Variants in NRF1 observed in about 807,000 individuals in gnomAD.
NRF1 encodes the protein alpha palindromic-binding protein.
NRF1 carries 5 observed loss-of-function variants against 58.5 expected under a neutral mutation model. That is an observed-to-expected ratio of 0.09 (90% confidence interval 0.04 to 0.18). The LOEUF (loss-of-function observed/expected upper bound fraction) is 0.18. Ranked by LOEUF, NRF1 falls within the 10% of genes least tolerant of loss-of-function variation. The probability of loss-of-function intolerance (pLI) is 1.00; values close to 1 mark genes in which losing one functional copy is unlikely to be tolerated. For missense variants in NRF1, 288 were observed against 657.7 expected, an observed-to-expected ratio of 0.44 and a Z score of 6.15; for synonymous variants, 224 against 246.7, an observed-to-expected ratio of 0.91 and a Z score of 0.86.
intron 7 of NRF1, 132 bp downstream of exon 7, chr7:129,710,703 C>T (rs994071164): frequency 1.6e-6 from 1 of 631,554 alleles, no homozygotes; most frequent in African/African-American, 1.8e-5. Context: ...GATCTTCCTA[C>T]CTGAAATTGA....
At chr7:129,630,110 C>T (rs1439925779) in intron 1 of NRF1, 1 of 152,170 alleles carries the variant, frequency 6.6e-6, no homozygotes, top group Non-Finnish European at 1.5e-5. Context: ...AGAAAAGGTG[C>T]TCAAAGGATA....
chr7:129,651,034 A>T (rs1396812693), intron 1 of NRF1, among the ~76,000 whole-genome samples: 1 of 152,176 alleles, frequency 6.6e-6, no homozygotes, highest in Non-Finnish European at 1.5e-5. Context: ...GATTTTATGG[A>T]AACATTGTAA....
At chr7:129,719,130 T>G (rs949460750) in intron 9 of NRF1, among the ~76,000 whole-genome samples, 5 of 151,476 alleles carry the variant, frequency 3.3e-5, no homozygotes, top group Non-Finnish European at 7.4e-5. Context: ...GGAGGTAAAG[T>G]GATTCTTTTT....
intron 3 of NRF1, among the ~76,000 whole-genome samples, chr7:129,675,915 T>G (rs546154774): frequency 6.6e-6 from 1 of 152,344 alleles, no homozygotes; most frequent in East Asian, 1.9e-4. Flanking sequence ...AAGTCCTAGA[T>G]TGTATCTTCT....
chr7:129,624,713 C>G (rs969053338), intron 1 of NRF1, among the ~76,000 whole-genome samples: 2 of 152,088 alleles, frequency 1.3e-5, no homozygotes, highest in African/African-American at 4.8e-5. Context: ...GACAACGTCT[C>G]TGTGTTGCCC....
chr7:129,753,423 T>G (rs561537832), intron 10 of NRF1, among the ~76,000 whole-genome samples: 1 of 152,356 alleles, frequency 6.6e-6, no homozygotes, highest in Admixed American at 6.5e-5. Context: ...TGTGTGAGCA[T>G]AGGAGTTGCC....
At chr7:129,629,264 C>T (rs1329692058) in intron 1 of NRF1, among the ~76,000 whole-genome samples, 2 of 150,674 alleles carry the variant, frequency 1.3e-5, no homozygotes, top group Non-Finnish European at 1.5e-5. Flanking sequence ...CAACATAAAA[C>T]ATAGCACACA....
At chr7:129,675,374 C>A (rs935975894) in intron 3 of NRF1, among the ~76,000 whole-genome samples, 11 of 152,204 alleles carry the variant, frequency 7.2e-5, no homozygotes, top group Non-Finnish European at 1.3e-4. Flanking sequence ...CATGTACTTG[C>A]ACATGAATTA....
intron 1 of NRF1, among the ~76,000 whole-genome samples, chr7:129,652,672 G>A (rs540698681): frequency 3.3e-5 from 5 of 152,244 alleles, no homozygotes; most frequent in African/African-American, 1.2e-4. Context: ...CTCACTGCAA[G>A]CTCCGCCTTC....
At chr7:129,710,264 A>G (rs1471703778) in intron 6 of NRF1, 110 bp from the exon 7 acceptor site, 1 of 901,462 alleles carries the variant, frequency 1.1e-6, no homozygotes, top group African/African-American at 1.6e-5. Context: ...GTCTAATAAG[A>G]GGTTTGGTTT....
intron 1 of NRF1, among the ~76,000 whole-genome samples, chr7:129,627,113 TC>T (rs1800937012): frequency 6.6e-6 from 1 of 152,242 alleles, no homozygotes; most frequent in African/African-American, 2.4e-5. Context: ...TGCGTATTCT[TC>T]CACGTAGGCT....
intron 1 of NRF1, among the ~76,000 whole-genome samples, chr7:129,642,127 C>T (rs1041719142): frequency 2.0e-5 from 3 of 151,622 alleles, no homozygotes; most frequent in South Asian, 4.2e-4. Context: ...TACAGGCACT[C>T]GCCACCATGC....
intron 8 of NRF1, among the ~76,000 whole-genome samples, chr7:129,716,524 A>T (rs1396686678): frequency 2.6e-5 from 4 of 152,074 alleles, no homozygotes; most frequent in African/African-American, 9.7e-5. Context: ...CTGGCACAAC[A>T]TGTTGTTTTG....
chr7:129,626,360 G>A (rs1016469746), intron 1 of NRF1, among the ~76,000 whole-genome samples: 87 of 151,976 alleles, frequency 5.7e-4, no homozygotes, highest in African/African-American at 1.8e-3. Flanking sequence ...TTTTTTTTGC[G>A]TTCTGGACAT....
At chr7:129,712,559 C>G (rs1803097260) in intron 8 of NRF1, among the ~76,000 whole-genome samples, 1 of 152,138 alleles carries the variant, frequency 6.6e-6, no homozygotes, top group African/African-American at 2.4e-5. Context: ...CTTGGCCACC[C>G]TGCATGTGCC....
At chr7:129,621,350 A>G (rs1800793525) in intron 1 of NRF1, among the ~76,000 whole-genome samples, 1 of 152,200 alleles carries the variant, frequency 6.6e-6, no homozygotes, top group Non-Finnish European at 1.5e-5. Context: ...AATGATATGA[A>G]TAAATATGTT....
At chr7:129,738,892 TCA>T (rs1446199099) in intron 10 of NRF1, among the ~76,000 whole-genome samples, 1 of 152,196 alleles carries the variant, frequency 6.6e-6, no homozygotes, top group Non-Finnish European at 1.5e-5. Context: ...TTCTTCCCCT[TCA>T]CTCCCTCTTG....
At chr7:129,617,537 A>G (rs967208869) in intron 1 of NRF1, among the ~76,000 whole-genome samples, 2 of 152,350 alleles carry the variant, frequency 1.3e-5, no homozygotes, top group African/African-American at 4.8e-5. Flanking sequence ...TTTGCCACTC[A>G]TTCATTCACC....
intron 7 of NRF1, 56 bp downstream of exon 7, chr7:129,710,627 C>A: frequency 1.1e-6 from 1 of 888,390 alleles, no homozygotes; most frequent in Non-Finnish European, 1.9e-6. Flanking sequence ...CAGTGGGCAC[C>A]TCACCTCAGA....
Sources: gnomAD v4.1 joint callset for allele counts (sites outside exome capture counted in the v4.1 genomes callset) on GRCh38, gnomAD v4.1.1 for gene constraint, MANE v1.5 for transcripts, NCBI Gene and HGNC (gene_info 2026-07-23, HGNC 2026-07-21) for gene names.